The following HSF2BP variants were observed in gnomAD, a reference collection of about 807,000 sequenced individuals.
HSF2BP encodes the protein heat shock factor 2-binding protein.
HSF2BP carries 35 observed loss-of-function variants against 35.0 expected under a neutral mutation model. The observed-to-expected ratio is 1.00, with a 90% CI of 0.76 to 1.32. The LOEUF (loss-of-function observed/expected upper bound fraction) is 1.32, where lower values mean the gene tolerates loss of function less well. HSF2BP is among the 40% of genes most tolerant of loss of function. HSF2BP has a pLI of 0.00. For synonymous variants in HSF2BP, 114 were observed against 117.4 expected, an observed-to-expected ratio of 0.97 and a Z score of 0.18; for missense variants, 326 against 321.7, an observed-to-expected ratio of 1.01 and a Z score of -0.10.
chr21:43,600,363 C>T (rs1337608250), intron 7 of HSF2BP, among the ~76,000 whole-genome samples: 4 of 152,126 alleles, frequency 2.6e-5, no homozygotes, highest in Non-Finnish European at 4.4e-5. Context: ...TGCTCAGAAA[C>T]AAGCCAATCA....
chr21:43,656,757 TTATTA>T lies in HSF2BP; in HGVS notation c.37-25_37-21del, dbSNP rs749709668. The T allele has an allele frequency of 5.0e-6, 8 of 1,597,406 alleles. No homozygotes were observed. Among genetic ancestry groups the T allele is most frequent in the Non-Finnish European group, 6.8e-6 (8 of 1,174,076 alleles). On this transcript the variant is annotated intron_variant, in intron 2 of 8. Coordinates refer to ENST00000291560, the MANE Select transcript of HSF2BP (RefSeq NM_007031.2). The stretch of plus-strand genomic sequence containing the variant: ...CATGTGCTAAAAGAACAAGCAGATC[TTATTA>T]TATTTCTCTTCACATGAGAAAAAAA...
chr21:43,623,834 T>G (rs1453544804), intron 6 of HSF2BP, among the ~76,000 whole-genome samples: 1 of 152,156 alleles, frequency 6.6e-6, no homozygotes, highest in Non-Finnish European at 1.5e-5. Flanking sequence ...AGTGCTCAAG[T>G]TGTAAATCAA....
chr21:43,575,650 A>C (rs1216525308), intron 8 of HSF2BP, among the ~76,000 whole-genome samples: 1 of 152,222 alleles, frequency 6.6e-6, no homozygotes, highest in East Asian at 1.9e-4. Context: ...CTGCCAAATA[A>C]ATAGGAAGTG....
At chr21:43,617,053 C>T (rs935552824) in intron 6 of HSF2BP, among the ~76,000 whole-genome samples, 3 of 152,126 alleles carry the variant, frequency 2.0e-5, no homozygotes, top group East Asian at 1.9e-4. Context: ...CATCCCTCAA[C>T]GATTTGAGTC....
intron 4 of HSF2BP, among the ~76,000 whole-genome samples, chr21:43,638,875 T>C (rs77682860): frequency 0.041 from 6,245 of 152,216 alleles, 440 homozygotes; most frequent in African/African-American, 0.14. Context: ...AGGAATGAAA[T>C]GGGAAGAATC....
At chr21:43,583,770 G>C (rs2081801856) in intron 8 of HSF2BP, among the ~76,000 whole-genome samples, 2 of 136,546 alleles carry the variant, frequency 1.5e-5, no homozygotes, top group African/African-American at 2.8e-5. Context: ...TGCTGAGGGA[G>C]ATGAAGGGCC....
chr21:43,638,127 A>T (rs1601709699), intron 4 of HSF2BP, among the ~76,000 whole-genome samples: 1 of 152,094 alleles, frequency 6.6e-6, no homozygotes, highest in African/African-American at 2.4e-5. Context: ...AATCTCAAGA[A>T]ATCCATAAAA....
chr21:43,642,943 C>T (rs759705912), intron 4 of HSF2BP, among the ~76,000 whole-genome samples: 11 of 151,862 alleles, frequency 7.2e-5, no homozygotes, highest in East Asian at 3.9e-4. Flanking sequence ...AACTCCTGAC[C>T]GCAAGCGAAC....
At chr21:43,657,873 C>T (rs1453225286) in intron 2 of HSF2BP, 188 bp downstream of exon 2, 1 of 985,354 alleles carries the variant, frequency 1.0e-6, no homozygotes, top group Non-Finnish European at 1.2e-6. Flanking sequence ...GGTTTGGAGG[C>T]GAAGTCGCCT....
At chr21:43,594,508 A>G (rs1317226716) in intron 7 of HSF2BP, among the ~76,000 whole-genome samples, 3 of 152,220 alleles carry the variant, frequency 2.0e-5, no homozygotes, top group African/African-American at 7.2e-5. Context: ...AGTATACCAA[A>G]TACATCAAAT....
chr21:43,658,200 G>T lies in HSF2BP; in HGVS notation c.-104C>A. 6 of 1,323,950 alleles carry T rather than the reference G, an allele frequency of 4.5e-6. No homozygotes were observed. Among genetic ancestry groups the T allele is most frequent in the Non-Finnish European group, 6.0e-6 (6 of 999,538 alleles). The allele number at this position is 1,323,950 out of a possible 1,614,324, so 82.0% of individuals were successfully genotyped here. On this transcript the variant is annotated 5_prime_UTR_variant, in exon 2 of 9. Transcript: ENST00000291560. ...ATCCACGCCGGGGGTCGGGAACGGA[G>T]AGCCGCCAGGCCCAAACCTCCCAGA... is the stretch of plus-strand genomic sequence containing the variant.
intron 8 of HSF2BP, among the ~76,000 whole-genome samples, chr21:43,589,994 A>T (rs1393969429): frequency 3.3e-5 from 5 of 152,202 alleles, no homozygotes; most frequent in Non-Finnish European, 7.3e-5. Flanking sequence ...TCTACAACAA[A>T]AGCATGCTTC....
chr21:43,647,861 G>A (rs974901125), intron 3 of HSF2BP, among the ~76,000 whole-genome samples: 20 of 150,928 alleles, frequency 1.3e-4, no homozygotes, highest in African/African-American at 4.6e-4. Flanking sequence ...CCTGGGAGGC[G>A]GAAGTTGCAG....
At position 43,655,898 on chromosome 21, in the gene HSF2BP, G is replaced by T. The variant is rs147944391; in HGVS notation, c.187+689C>A. On this transcript the variant is annotated intron_variant, in intron 3 of 8. Coordinates refer to ENST00000291560, the MANE Select transcript of HSF2BP (RefSeq NM_007031.2). ...GTGAGCTATCTTCTTGTCTGGACAA[G>T]TGCTACAGCTACCTGGGCCCCCTGG... 2.6e-3 allele frequency among the ~76,000 whole-genome samples: 398 copies of T among 152,350 alleles called. 2 individuals are homozygous for T. Among genetic ancestry groups the T allele is most frequent in the African/African-American group, 8.5e-3 (354 of 41,580 alleles).
intron 7 of HSF2BP, among the ~76,000 whole-genome samples, chr21:43,605,121 C>A (rs993823812): frequency 6.6e-6 from 1 of 150,860 alleles, no homozygotes; most frequent in Non-Finnish European, 1.5e-5. Flanking sequence ...CACACACACA[C>A]CACACAGATA....
chr21:43,614,866 C>T (rs548422918), intron 6 of HSF2BP, among the ~76,000 whole-genome samples: 1 of 152,210 alleles, frequency 6.6e-6, no homozygotes, highest in African/African-American at 2.4e-5. Context: ...AGCCATGATA[C>T]AAACTGAAAT....
intron 2 of HSF2BP, 22 bp downstream of exon 2, chr21:43,658,039 C>A (rs907926076): frequency 1.3e-6 from 2 of 1,535,590 alleles, no homozygotes; most frequent in South Asian, 1.2e-5. Flanking sequence ...ACGCTGGCGT[C>A]GGCCAGGGCT....
At chr21:43,633,500 A>C in intron 4 of HSF2BP, 79 bp from the exon 5 acceptor site, 1 of 1,206,782 alleles carries the variant, frequency 8.3e-7, no homozygotes, top group Non-Finnish European at 1.1e-6. Context: ...TCTTTCACAA[A>C]GATATTTATT....
chr21:43,646,665 C>G (rs929372820), intron 3 of HSF2BP, among the ~76,000 whole-genome samples: 6 of 152,224 alleles, frequency 3.9e-5, no homozygotes, highest in African/African-American at 1.2e-4. Flanking sequence ...TTGTTCCAGA[C>G]AGCTGTATGC....
Sources: gnomAD v4.1 joint callset for allele counts (sites outside exome capture counted in the v4.1 genomes callset) on GRCh38, gnomAD v4.1.1 for gene constraint, MANE v1.5 for transcripts, NCBI Gene and HGNC (gene_info 2026-07-23, HGNC 2026-07-21) for gene names.